Variants in ASIC1 observed in about 807,000 individuals in gnomAD.
ASIC1 encodes acid sensing ion channel subunit 1, also known as acid-sensing ion channel 1.
ASIC1 carries 21 observed loss-of-function variants against 63.4 expected under a neutral mutation model. The ratio of observed to expected loss-of-function variants is 0.33; its 90% CI spans 0.23 to 0.48. ASIC1 has a LOEUF of 0.48. Ranked by LOEUF, ASIC1 falls within the 20% of genes least tolerant of loss-of-function variation. The pLI is 0.99. For synonymous variants in ASIC1, 258 were observed against 278.2 expected (o/e 0.93, Z 0.72); for missense variants, 478 against 695.5 (o/e 0.69, Z 3.52).
At chr12:50,073,705 G>A in intron 3 of ASIC1, 1 of 1,536,580 alleles carries the variant, frequency 6.5e-7, no homozygotes. Flanking sequence ...AGAATCGGAA[G>A]AGGAGGAAGA....
In ASIC1 at chr12:50,079,888, C is replaced by A; in HGVS notation, c.1052-14C>A. On this transcript the variant is annotated splice_polypyrimidine_tract_variant and intron_variant, in intron 7 of 11. Transcript: ENST00000447966. ...GCACCACTCAACTGAGACCTCTCAC[C>A]TGGCTGAGTGCAGACTTCCTGGTGG... is the stretch of plus-strand genomic sequence containing the variant. 6.3e-7 allele frequency: 1 copy of A among 1,592,298 alleles called. No individual in the cohort carries two copies. Among genetic ancestry groups the A allele is most frequent in the Non-Finnish European group, 8.6e-7 (1 of 1,168,516 alleles).
chr12:50,075,157 C>T (rs1253455830), intron 3 of ASIC1, among the ~76,000 whole-genome samples: 1 of 152,114 alleles, frequency 6.6e-6, no homozygotes, highest in African/African-American at 2.4e-5. Flanking sequence ...CTTCCCTGCC[C>T]CACACACCCA....
chr12:50,067,765 CTCTT>C (rs1235497953), intron 3 of ASIC1, among the ~76,000 whole-genome samples: 2 of 152,136 alleles, frequency 1.3e-5, no homozygotes, highest in Non-Finnish European at 2.9e-5. Context: ...CAATCATACT[CTCTT>C]TGTTTTCCTC....
intron 3 of ASIC1, chr12:50,073,889 C>T (rs1475509619): frequency 3.9e-6 from 6 of 1,533,902 alleles, no homozygotes; most frequent in African/African-American, 2.7e-5. Context: ...GCACTGGGTG[C>T]CTTCCTGTGC....
chr12:50,065,835 G>C (rs981731996), intron 3 of ASIC1, among the ~76,000 whole-genome samples: 1 of 152,244 alleles, frequency 6.6e-6, no homozygotes, highest in African/African-American at 2.4e-5. Context: ...TCTCTAGTTG[G>C]TGTCACACCA....
In ASIC1 at chr12:50,074,219, C is replaced by T; in HGVS notation, c.559-2994C>T. On this transcript the variant is annotated intron_variant, in intron 3 of 11. Coordinates refer to ENST00000447966, the MANE Select transcript of ASIC1 (RefSeq NM_001095.4). This position sits in a 1 kb window ranked among gnomAD's most constrained non-coding sequence, Gnocchi z 4.2. The stretch of plus-strand genomic sequence containing the variant: ...CTCTATTGCTCCTACCAAGGGGGAC[C>T]CTGCGGCCCTCACAACTTCTCAGTG... 6.7e-7 allele frequency: 1 copy of T among 1,499,388 alleles called. No individual in the cohort carries two copies. The highest frequency in any genetic ancestry group is 8.9e-7 in the Non-Finnish European group (1 of 1,126,992). 92.9% of individuals were successfully genotyped at this position (1,499,388 alleles called of 1,614,324 possible).
rs1950479749 is a variant in ASIC1, at chr12:50,059,392, G to A, written c.362+264G>A. The stretch of plus-strand genomic sequence containing the variant: ...ATGAGACATTGTCACCCTCTCTGGA[G>A]TGAGCTTTACCTTCATTCTGGCCAC... On this transcript the variant is annotated intron_variant, in intron 2 of 11. Transcript: ENST00000447966. The surrounding 1 kb of genome is among the most constrained non-coding windows in gnomAD (Gnocchi z 4.6). 6.6e-6 allele frequency among the ~76,000 whole-genome samples: 1 copy of A among 152,228 alleles called. No individual in the cohort carries two copies. Among genetic ancestry groups the A allele is most frequent in the Admixed American group, 6.5e-5 (1 of 15,282 alleles).
intron 1 of ASIC1, among the ~76,000 whole-genome samples, chr12:50,058,169 C>G (rs977187925): frequency 3.3e-5 from 5 of 152,096 alleles, no homozygotes; most frequent in East Asian, 1.9e-4. Context: ...CGCCACCCCC[C>G]ACTCCCAACA....
chr12:50,080,792 C>G lies in ASIC1; in HGVS notation c.1297+203C>G, dbSNP rs1950707569. 64 of 1,441,920 alleles carry G rather than the reference C, an allele frequency of 4.4e-5. 2 individuals are homozygous for G. In the South Asian group the frequency reaches 7.8e-4, roughly 17 times the overall value. 89.3% of individuals were successfully genotyped at this position (1,441,920 alleles called of 1,614,324 possible). On this transcript the variant is annotated intron_variant, in intron 9 of 11. Coordinates refer to ENST00000447966, the MANE Select transcript of ASIC1 (RefSeq NM_001095.4). Reference sequence around the variant, plus strand: ...CAAAGTGGAAAAGAGAAAAGACAGGCCTGTGGGCATGAGGGAGGGGTAGGC... The same window carrying G: ...CAAAGTGGAAAAGAGAAAAGACAGGGCTGTGGGCATGAGGGAGGGGTAGGC...
rs1370504934 is a variant in ASIC1, at chr12:50,081,549, C to T, written c.1487C>T (p.Pro496Leu). Residue 496 changes from proline to leucine, a missense_variant, in exon 12 of 12, where the codon CCG (proline) becomes CTG (leucine). Pro to Leu is a moderately conservative substitution (Grantham distance 98). Transcript: ENST00000447966. ...TGTCCTGTCCCCTTCCCCCAGAACCCGTGCGAGAGCCTTCGGGGCCACCCT... is the reference window on the plus strand; with the variant it reads ...TGTCCTGTCCCCTTCCCCCAGAACCTGTGCGAGAGCCTTCGGGGCCACCCT... ...LSLDDVKRHN[P>L]CESLRGHPAG... is the part of the protein sequence containing the mutation. 5 of 1,614,000 alleles carry T rather than the reference C, an allele frequency of 3.1e-6. No homozygotes were observed. The highest frequency in any genetic ancestry group is 1.7e-5 in the Admixed American group (1 of 60,008).
chr12:50,078,000 A>G lies in ASIC1; in HGVS notation c.710A>G (p.Asp237Gly). ...DEYLPVWGET[D>G]ETSFEAGIKV... Reference sequence around the variant, plus strand: ...ACCCACACACTCCTCATTCCCCTAGACGAGACGTCCTTCGAAGCAGGCATC... The same window carrying G: ...ACCCACACACTCCTCATTCCCCTAGGCGAGACGTCCTTCGAAGCAGGCATC... Residue 237 changes from aspartate (D) to glycine (G), a missense_variant and splice_region_variant, in exon 5 of 12, where the codon GAC (aspartate) becomes GGC (glycine). Transcript: ENST00000447966. 1.2e-6 allele frequency: 2 copies of G among 1,610,422 alleles called. No individual in the cohort carries two copies. Among genetic ancestry groups the G allele is most frequent in the Non-Finnish European group, 1.7e-6 (2 of 1,177,844 alleles).
intron 3 of ASIC1, among the ~76,000 whole-genome samples, chr12:50,065,309 G>T (rs1950536146): frequency 1.3e-5 from 2 of 152,198 alleles, no homozygotes; most frequent in South Asian, 2.1e-4. Context: ...GAAGGAGACA[G>T]CGAGAATGAG....
chr12:50,073,116 TG>T (rs1950616018), intron 3 of ASIC1, among the ~76,000 whole-genome samples: 1 of 151,856 alleles, frequency 6.6e-6, no homozygotes, highest in Non-Finnish European at 1.5e-5. Context: ...GTGTGTGTCC[TG>T]GGGGGGTAGG....
chr12:50,081,137 G>A lies in ASIC1; in HGVS notation c.1333G>A (p.Ala445Thr). 6.2e-7 allele frequency: 1 copy of A among 1,612,010 alleles called. No homozygotes were observed. The highest frequency in any genetic ancestry group is 8.5e-7 in the Non-Finnish European group (1 of 1,179,280). ...IGGQMGLFIGASILTVLELFD... is the reference protein window; with the variant it reads ...IGGQMGLFIGTSILTVLELFD... The stretch of plus-strand genomic sequence containing the variant: ...GGGCCAGATGGGGCTGTTCATCGGG[G>A]CCAGCATCCTCACGGTGCTGGAGCT... Residue 445 changes from alanine (A) to threonine (T), a missense_variant, in exon 10 of 12, where the codon GCC becomes ACC. This residue lies in a region of ASIC1 where 84 missense variants were observed against 183.5 expected (regional missense o/e 0.46). Transcript: ENST00000447966.
At position 50,081,796 on chromosome 12, in the gene ASIC1, A is replaced by C; in HGVS notation, c.*147A>C. The C allele has an allele frequency of 1.5e-6, 1 of 669,472 alleles. No individual in the cohort carries two copies. The highest frequency in any genetic ancestry group is 2.5e-6 in the Non-Finnish European group (1 of 394,794). 41.5% of individuals were successfully genotyped at this position (669,472 alleles called of 1,614,324 possible). The stretch of plus-strand genomic sequence containing the variant: ...TGTCTGTGGTAAGGAAGGAGTCTTG[A>C]CCATAGAGTCCTCTCTCTGCCTCTA... On this transcript the variant is annotated 3_prime_UTR_variant, in exon 12 of 12. Transcript: ENST00000447966.
Position 50,059,628 on chromosome 12 carries a change from A to G in ASIC1, c.363-131A>G, listed in dbSNP as rs1950482045. 1 of 943,810 alleles carries G rather than the reference A, an allele frequency of 1.1e-6. No homozygotes were observed. The highest frequency in any genetic ancestry group is 1.6e-6 in the Non-Finnish European group (1 of 638,640). 58.5% of individuals were successfully genotyped at this position (943,810 alleles called of 1,614,324 possible). On this transcript the variant is annotated intron_variant, in intron 2 of 11. Transcript: ENST00000447966. The surrounding 1 kb of genome is among the most constrained non-coding windows in gnomAD (Gnocchi z 4.6). ...CAGACCCATGTGGTAGAGCCTCTGC[A>G]TGCCCAGCTCTCCTTCCTTGCCTAC...
intron 3 of ASIC1, among the ~76,000 whole-genome samples, chr12:50,061,529 T>TA (rs1950500908): frequency 1.3e-5 from 2 of 152,034 alleles, no homozygotes; most frequent in Admixed American, 6.6e-5. Context: ...AACAGGACTG[T>TA]AGGTGAAGGT....
At chr12:50,064,383 A>G (rs1213443641) in intron 3 of ASIC1, among the ~76,000 whole-genome samples, 3 of 152,128 alleles carry the variant, frequency 2.0e-5, no homozygotes, top group African/African-American at 7.2e-5. Context: ...TCAGACACAG[A>G]TACACACAAA....
At chr12:50,080,684 G>A in intron 9 of ASIC1, 95 bp downstream of exon 9, 3 of 1,614,126 alleles carry the variant, frequency 1.9e-6, no homozygotes, top group Non-Finnish European at 2.5e-6. Context: ...TGTCCCATGA[G>A]GGTCCTCCAC....
Sources: gnomAD v4.1 joint callset for allele counts (sites outside exome capture counted in the v4.1 genomes callset) on GRCh38, gnomAD v4.1.1 for gene constraint, gnomAD v4.1.1 regional missense constraint, Gnocchi (gnomAD v3.1) non-coding constraint, MANE v1.5 for transcripts, NCBI Gene and HGNC (gene_info 2026-07-23, HGNC 2026-07-21) for gene names.